The following ACSM1 variants were observed in gnomAD, a reference collection of about 807,000 sequenced individuals.
ACSM1 encodes acyl-CoA synthetase medium chain family member 1.
ACSM1 carries 79 observed loss-of-function variants against 75.8 expected under a neutral mutation model. That is an observed-to-expected ratio of 1.04 (90% confidence interval 0.87 to 1.26). The LOEUF (loss-of-function observed/expected upper bound fraction) is 1.26, where lower values mean the gene tolerates loss of function less well. ACSM1 is among the 50% of genes most tolerant of loss of function. The probability of loss-of-function intolerance (pLI) is 0.00; values close to 1 mark genes in which losing one functional copy is unlikely to be tolerated. For missense variants in ACSM1, 676 were observed against 720.1 expected, an observed-to-expected ratio of 0.94 and a Z score of 0.70; for synonymous variants, 279 against 265.8, an observed-to-expected ratio of 1.05 and a Z score of -0.48.
At chr16:20,687,980 G>A (rs369369303) in intron 2 of ACSM1, among the ~76,000 whole-genome samples, 28 of 151,942 alleles carry the variant, frequency 1.8e-4, no homozygotes, top group African/African-American at 6.8e-4. Context: ...AGCTACTCAG[G>A]AGGCTGAGGC....
chr16:20,678,001 AC>A (rs1403720317), intron 4 of ACSM1, among the ~76,000 whole-genome samples: 3 of 151,376 alleles, frequency 2.0e-5, no homozygotes, highest in Admixed American at 6.6e-5. Flanking sequence ...AAGGAAGAAT[AC>A]TAAAGGCTAA....
intron 2 of ACSM1, 67 bp from the exon 3 acceptor site, chr16:20,685,470 C>T (rs2079531018): frequency 7.1e-7 from 1 of 1,416,780 alleles, no homozygotes; most frequent in East Asian, 2.3e-5. Context: ...GTAAACTAAT[C>T]CACAGCCATA....
At chr16:20,646,452 C>T (rs935230249) in intron 7 of ACSM1, among the ~76,000 whole-genome samples, 14 of 152,122 alleles carry the variant, frequency 9.2e-5, no homozygotes, top group Admixed American at 9.2e-4. Flanking sequence ...TATGCTTGAC[C>T]ATTGAGGGCC....
chr16:20,628,800 A>T (rs1054793661), intron 10 of ACSM1, among the ~76,000 whole-genome samples: 8 of 152,158 alleles, frequency 5.3e-5, no homozygotes, highest in African/African-American at 1.7e-4. Flanking sequence ...CATTTTAAAT[A>T]AGAAAAAAAC....
At chr16:20,632,718 A>G (rs2152200029) in intron 10 of ACSM1, among the ~76,000 whole-genome samples, 1 of 152,362 alleles carries the variant, frequency 6.6e-6, no homozygotes, top group South Asian at 2.1e-4. Flanking sequence ...CACCAAAGCC[A>G]GACAAACACT....
intron 12 of ACSM1, 128 bp from the exon 13 acceptor site, chr16:20,624,343 A>G: frequency 1.7e-6 from 2 of 1,145,868 alleles, no homozygotes; most frequent in Non-Finnish European, 2.3e-6. Context: ...AAAGGAGAGG[A>G]CCAGGTGTAA....
rs1305749036 is a variant in ACSM1 at position 20,685,207 on chromosome 16, C to A, written c.389G>T (p.Gly130Val). 12 of 1,614,154 alleles carry A rather than the reference C, an allele frequency of 7.4e-6. No individual in the cohort carries two copies. The highest frequency in any genetic ancestry group is 1.0e-5 in the Non-Finnish European group (12 of 1,180,020). Residue 130 changes from glycine (G) to valine (V), a missense_variant, in exon 3 of 14, where the codon GGC (glycine) becomes GTC (valine). Coordinates refer to ENST00000520010, the MANE Select transcript of ACSM1 (RefSeq NM_001318890.3). ...GCATCACTGACCTGTTCGCATGCAG[C>A]CCACAGCCACCAGCCACCACTCAGG... ...RVPEWWLVAV[G>V]CMRTGIIFIP...
chr16:20,658,928 G>C (rs1035789582), intron 7 of ACSM1, among the ~76,000 whole-genome samples: 3 of 152,194 alleles, frequency 2.0e-5, no homozygotes, highest in African/African-American at 7.2e-5. Flanking sequence ...TCTGATCAAA[G>C]AATATGATGA....
chr16:20,672,586 A>G (rs2020009036), intron 4 of ACSM1, among the ~76,000 whole-genome samples: 1 of 133,436 alleles, frequency 7.5e-6, no homozygotes, highest in Non-Finnish European at 1.5e-5. Flanking sequence ...TATGTCATAT[A>G]TAATATATAC....
In ACSM1 at chr16:20,691,157, C is replaced by T; in HGVS notation, c.32G>A (p.Trp11Ter). 6.2e-7 allele frequency: 1 copy of T among 1,610,486 alleles called. No individual in the cohort carries two copies. The highest frequency in any genetic ancestry group is 8.5e-7 in the Non-Finnish European group (1 of 1,178,574). MQWLMRFRTL[W>*]GIHKSFHNIH... ...GTTGTGGAAGGATTTGTGGATGCCC[C>T]AGAGGGTCCGGAACCTCATTAGCCA... Residue 11 changes from tryptophan (W) to a stop codon, truncating the protein, a stop_gained, in exon 2 of 14, where the codon TGG becomes TAG. Coordinates refer to ENST00000520010, the MANE Select transcript of ACSM1 (RefSeq NM_001318890.3). LOFTEE classifies it high-confidence loss of function.
chr16:20,625,455 C>T lies in ACSM1; in HGVS notation c.1495G>A (p.Val499Met), dbSNP rs755380208. The T allele has an allele frequency of 2.4e-5, 38 of 1,614,144 alleles. No individual in the cohort carries two copies. The highest frequency in any genetic ancestry group is 3.3e-4 in the Middle Eastern group (2 of 6,062). The change falls in exon 12 of 14, where the codon GTG (valine) becomes ATG (methionine). Residue 499 changes from valine (V) to methionine (M), a missense_variant. Transcript: ENST00000520010. Reference sequence around the variant, plus strand: ...CGAATCGGGTCTGGGCTGCCCACCACGGCTGACTCCGCCACCGCTGGGTGC... The same window carrying T: ...CGAATCGGGTCTGGGCTGCCCACCATGGCTGACTCCGCCACCGCTGGGTGC... ...VEHPAVAESA[V>M]VGSPDPIRGE...
intron 4 of ACSM1, among the ~76,000 whole-genome samples, chr16:20,673,832 G>A (rs1410711341): frequency 6.6e-6 from 1 of 152,176 alleles, no homozygotes; most frequent in Non-Finnish European, 1.5e-5. Flanking sequence ...CAAGGAATAT[G>A]TAACACAATA....
At chr16:20,682,179 C>A (rs1198011509) in intron 4 of ACSM1, 77 bp downstream of exon 4, 1 of 1,428,070 alleles carries the variant, frequency 7.0e-7, no homozygotes, top group Non-Finnish European at 9.8e-7. Context: ...CTCCTCAACC[C>A]CACTGGTCTC....
intron 6 of ACSM1, among the ~76,000 whole-genome samples, chr16:20,667,592 T>C (rs1284958614): frequency 6.6e-6 from 1 of 152,106 alleles, no homozygotes; most frequent in Admixed American, 6.6e-5. Flanking sequence ...GGAAAGCAAT[T>C]TGAAAATTCC....
chr16:20,682,476 A>G lies in ACSM1; in HGVS notation c.404-13T>C. 2 of 1,608,862 alleles carry G rather than the reference A, an allele frequency of 1.2e-6. No individual in the cohort carries two copies. Among genetic ancestry groups the G allele is most frequent in the Non-Finnish European group, 1.7e-6 (2 of 1,176,008 alleles). ...ATGAAGATGATCCCTGGGGATGAGA[A>G]AGGAACTGATTGTTTTGGTTTCTTT... On this transcript the variant is annotated splice_polypyrimidine_tract_variant and intron_variant, in intron 3 of 13. Transcript: ENST00000520010.
intron 4 of ACSM1, chr16:20,681,583 T>G (rs895887258): frequency 6.6e-6 from 1 of 152,208 alleles, no homozygotes; most frequent in African/African-American, 2.4e-5. Flanking sequence ...CAGTAATAAC[T>G]CAACACACTA....
chr16:20,629,060 A>G (rs1417658189), intron 10 of ACSM1, among the ~76,000 whole-genome samples: 1 of 152,202 alleles, frequency 6.6e-6, no homozygotes. Flanking sequence ...TAGTGCTGAT[A>G]TGCTTTGAAC....
intron 7 of ACSM1, among the ~76,000 whole-genome samples, chr16:20,657,715 T>A (rs1268063952): frequency 6.6e-6 from 1 of 152,030 alleles, no homozygotes; most frequent in African/African-American, 2.4e-5. Flanking sequence ...CATTAACTCA[T>A]CATTTAGCAT....
intron 6 of ACSM1, 25 bp from the exon 7 acceptor site, chr16:20,661,898 T>C: frequency 6.5e-7 from 1 of 1,548,864 alleles, no homozygotes; most frequent in African/African-American, 1.4e-5. Context: ...GAGAAGAAAT[T>C]TTATTTTTAC....
Sources: allele counts gnomAD v4.1 joint callset (sites outside exome capture counted in the v4.1 genomes callset), GRCh38; gene constraint gnomAD v4.1.1; transcripts MANE v1.5; gene names NCBI Gene and HGNC (gene_info 2026-07-23, HGNC 2026-07-21).